BTRC: variants seen among roughly 807,000 people sequenced by gnomAD.
BTRC encodes beta-transducin repeat containing E3 ubiquitin protein ligase.
Under a neutral mutation model 85.5 loss-of-function variants are expected in BTRC, and 42 were observed. The observed-to-expected ratio is 0.49, with a 90% CI of 0.38 to 0.64. The LOEUF (loss-of-function observed/expected upper bound fraction) is 0.64, where lower values mean the gene tolerates loss of function less well. Ranked by LOEUF, BTRC falls within the 30% of genes least tolerant of loss-of-function variation. BTRC has a pLI of 0.00. For missense variants in BTRC, 594 were observed against 743.5 expected, an observed-to-expected ratio of 0.80 and a Z score of 2.34; for synonymous variants, 255 against 263.3, an observed-to-expected ratio of 0.97 and a Z score of 0.30.
At chr10:101,354,159 G>A (rs745550951), upstream of BTRC, 1 of 1,548,512 alleles carries the variant, frequency 6.5e-7, no homozygotes, top group Non-Finnish European at 8.7e-7. Context: ...GGCGGAGAGC[G>A]GACCCAGTGG....
At chr10:101,414,638 T>C (rs1324245894) in intron 1 of BTRC, 1 of 517,738 alleles carries the variant, frequency 1.9e-6, no homozygotes, top group Non-Finnish European at 3.9e-6. Context: ...GGTCCATAGA[T>C]GTTAATTGCT....
chr10:101,520,760 C>T (rs911259489), intron 4 of BTRC, among the ~76,000 whole-genome samples: 2 of 152,102 alleles, frequency 1.3e-5, no homozygotes, highest in African/African-American at 4.8e-5. Flanking sequence ...GAGTTCAAGA[C>T]CAGCCTGTCC....
intron 4 of BTRC, among the ~76,000 whole-genome samples, chr10:101,504,818 A>G (rs1179614552): frequency 1.3e-5 from 2 of 151,832 alleles, no homozygotes; most frequent in East Asian, 3.9e-4. Flanking sequence ...GACTTCTCTA[A>G]CAGCAAAGAT....
chr10:101,372,635 C>T (rs935505120), intron 1 of BTRC, among the ~76,000 whole-genome samples: 7 of 149,306 alleles, frequency 4.7e-5, no homozygotes, highest in African/African-American at 9.8e-5. Flanking sequence ...GAGGCCGAGG[C>T]GGGCGGATCA....
chr10:101,427,333 G>T (rs1259284302), intron 1 of BTRC, among the ~76,000 whole-genome samples: 1 of 151,708 alleles, frequency 6.6e-6, no homozygotes, highest in African/African-American at 2.4e-5. Context: ...GGCCAGGATG[G>T]TCTTGATCTC....
chr10:101,367,057 TAA>T (rs1396923439), intron 1 of BTRC, among the ~76,000 whole-genome samples: 3 of 94,552 alleles, frequency 3.2e-5, no homozygotes, highest in Non-Finnish European at 6.0e-5. Context: ...TATATATATA[TAA>T]ATATAAATAT....
intron 5 of BTRC, among the ~76,000 whole-genome samples, chr10:101,525,414 T>G (rs10509752): frequency 0.024 from 3,580 of 152,310 alleles, 61 homozygotes; most frequent in Non-Finnish European, 0.033. Flanking sequence ...ATTAAACCCA[T>G]TCTTGAACTT....
At chr10:101,434,385 G>A (rs1271158860) in intron 2 of BTRC, among the ~76,000 whole-genome samples, 4 of 151,930 alleles carry the variant, frequency 2.6e-5, no homozygotes, top group Non-Finnish European at 5.9e-5. Flanking sequence ...GGATATCCTT[G>A]TGCAAAACAA....
intron 12 of BTRC, 46 bp downstream of exon 12, chr10:101,536,699 A>G: frequency 1.4e-6 from 2 of 1,399,626 alleles, no homozygotes; most frequent in Middle Eastern, 1.8e-4. Flanking sequence ...CTACGTCTTA[A>G]TCCTTCCTTA....
At chr10:101,512,216 AT>A (rs1420314254) in intron 4 of BTRC, among the ~76,000 whole-genome samples, 1 of 152,200 alleles carries the variant, frequency 6.6e-6, no homozygotes, top group African/African-American at 2.4e-5. Flanking sequence ...CTACAGCCTT[AT>A]CCCCTGCAAA....
intron 4 of BTRC, among the ~76,000 whole-genome samples, chr10:101,496,370 A>G (rs1157310683): frequency 6.6e-6 from 1 of 152,052 alleles, no homozygotes; most frequent in Non-Finnish European, 1.5e-5. Context: ...TCATTGTAGC[A>G]TTCTGGTGAT....
At chr10:101,380,457 T>C (rs2133958357) in intron 1 of BTRC, among the ~76,000 whole-genome samples, 1 of 152,234 alleles carries the variant, frequency 6.6e-6, no homozygotes, top group East Asian at 1.9e-4. Flanking sequence ...CACAAGGCTG[T>C]GCCTTCACAC....
Position 101,513,841 on chromosome 10 carries a change from A to C in BTRC, c.325-7798A>C, listed in dbSNP as rs1209273945. The stretch of plus-strand genomic sequence containing the variant: ...GGTAAGTATATGTTTAACTTTACAA[A>C]AAACTGTCAACTTGTTTTCCAAAGT... On this transcript the variant is annotated intron_variant, in intron 4 of 14. Coordinates refer to ENST00000370187, the MANE Select transcript of BTRC (RefSeq NM_033637.4). Among the ~76,000 whole-genome samples, 55 of 152,230 alleles carry C rather than the reference A, an allele frequency of 3.6e-4. 1 individual carries two copies. The highest frequency in any genetic ancestry group is 8.8e-5 in the Non-Finnish European group (6 of 68,044).
chr10:101,382,952 C>A (rs10748810), intron 1 of BTRC, among the ~76,000 whole-genome samples: 151,715 of 152,236 alleles, frequency 1, 75,602 homozygotes, highest in Middle Eastern at 1. Context: ...TTTAGTGCAA[C>A]ACACTACTAA....
chr10:101,449,771 T>C (rs1944912958), intron 2 of BTRC, among the ~76,000 whole-genome samples: 1 of 152,154 alleles, frequency 6.6e-6, no homozygotes, highest in African/African-American at 2.4e-5. Context: ...TTCTCTACTT[T>C]GTACATTGTT....
intron 1 of BTRC, among the ~76,000 whole-genome samples, chr10:101,354,933 T>TTGACTGTAAG (rs1941991281): frequency 6.6e-6 from 1 of 152,118 alleles, no homozygotes; most frequent in Non-Finnish European, 1.5e-5. Flanking sequence ...GAAAAGGGTG[T>TTGACTGTAAG]TGACTGTAAG....
At chr10:101,469,002 T>C (rs1350915313) in intron 3 of BTRC, among the ~76,000 whole-genome samples, 2 of 152,236 alleles carry the variant, frequency 1.3e-5, no homozygotes, top group African/African-American at 4.8e-5. Context: ...AATTACAGCC[T>C]GCTTTCACAA....
chr10:101,478,232 C>T (rs1490879827), intron 3 of BTRC, among the ~76,000 whole-genome samples: 1 of 150,346 alleles, frequency 6.7e-6, no homozygotes, highest in Non-Finnish European at 1.5e-5. Flanking sequence ...ACCTGGGAGG[C>T]GGAGGTTGTA....
At chr10:101,436,128 A>G (rs903860250) in intron 2 of BTRC, among the ~76,000 whole-genome samples, 1 of 152,186 alleles carries the variant, frequency 6.6e-6, no homozygotes, top group African/African-American at 2.4e-5. Flanking sequence ...CCATTGATTT[A>G]TCCTGGAAAG....
Sources: gnomAD v4.1 joint callset for allele counts (sites outside exome capture counted in the v4.1 genomes callset) on GRCh38, gnomAD v4.1.1 for gene constraint, MANE v1.5 for transcripts, NCBI Gene and HGNC (gene_info 2026-07-23, HGNC 2026-07-21) for gene names.